NR2F1-AS1: variants seen among roughly 807,000 people sequenced by gnomAD.
The protein encoded by NR2F1-AS1 is NR2F1 regulatory antisense RNA 1, also known as NR2F1 antisense RNA 1.
intron 4 of NR2F1-AS1, among the ~76,000 whole-genome samples, chr5:93,535,122 C>A (rs1751813138): frequency 6.6e-6 from 1 of 150,894 alleles, no homozygotes. Context: ...TTTTACAAAG[C>A]TATCCTTAAA....
chr5:93,482,645 G>A (rs1750624945), intron 4 of NR2F1-AS1, among the ~76,000 whole-genome samples: 1 of 152,096 alleles, frequency 6.6e-6, no homozygotes, highest in Admixed American at 6.5e-5. Context: ...AGAAAGCCAA[G>A]TGGTCTAGCT....
chr5:93,462,006 T>C (rs1750105004), intron 4 of NR2F1-AS1, among the ~76,000 whole-genome samples: 1 of 152,208 alleles, frequency 6.6e-6, no homozygotes, highest in South Asian at 2.1e-4. Flanking sequence ...CAAAATCCAC[T>C]GGTTTGCATT....
At chr5:93,514,121 T>C (rs533091851) in intron 4 of NR2F1-AS1, among the ~76,000 whole-genome samples, 1 of 152,198 alleles carries the variant, frequency 6.6e-6, no homozygotes, top group Non-Finnish European at 1.5e-5. Context: ...CTATTATATA[T>C]TCAAAGTCAG....
intron 2 of NR2F1-AS1, among the ~76,000 whole-genome samples, chr5:93,560,681 T>C (rs60529913): frequency 0.022 from 3,281 of 152,298 alleles, 136 homozygotes; most frequent in African/African-American, 0.075. Flanking sequence ...AAAATATACA[T>C]CTCAAAAATC....
chr5:93,423,927 C>A (rs1749142724), intron 4 of NR2F1-AS1, among the ~76,000 whole-genome samples: 1 of 152,168 alleles, frequency 6.6e-6, no homozygotes, highest in African/African-American at 2.4e-5. Flanking sequence ...TTTACTAATT[C>A]CTCTTCCATG....
chr5:93,573,888 A>G (rs536284311), intron 1 of NR2F1-AS1, among the ~76,000 whole-genome samples: 4 of 152,170 alleles, frequency 2.6e-5, no homozygotes, highest in Non-Finnish European at 4.4e-5. Context: ...TTTAAGTGCT[A>G]TTAGATTTAT....
intron 3 of NR2F1-AS1, chr5:93,554,846 T>G (rs1028687216): frequency 1.3e-5 from 2 of 152,192 alleles, no homozygotes; most frequent in East Asian, 3.8e-4. Context: ...ACAGGAAGGA[T>G]GATGTGGAAA....
At chr5:93,451,759 T>A (rs1239752739) in intron 4 of NR2F1-AS1, among the ~76,000 whole-genome samples, 1 of 152,102 alleles carries the variant, frequency 6.6e-6, no homozygotes, top group Non-Finnish European at 1.5e-5. Flanking sequence ...GCACATTTCA[T>A]CTCTCCTTTT....
At chr5:93,529,655 T>G (rs1163057185) in intron 4 of NR2F1-AS1, among the ~76,000 whole-genome samples, 1 of 152,152 alleles carries the variant, frequency 6.6e-6, no homozygotes, top group Non-Finnish European at 1.5e-5. Context: ...CAGGTTTCCT[T>G]GTTCTCAATT....
chr5:93,421,824 G>T (rs1397528561), intron 4 of NR2F1-AS1, among the ~76,000 whole-genome samples: 1 of 152,052 alleles, frequency 6.6e-6, no homozygotes, highest in African/African-American at 2.4e-5. Flanking sequence ...TTTCACTTGG[G>T]GTAGAAATAT....
chr5:93,531,937 C>T (rs1751744068), intron 4 of NR2F1-AS1, among the ~76,000 whole-genome samples: 1 of 152,146 alleles, frequency 6.6e-6, no homozygotes, highest in South Asian at 2.1e-4. Flanking sequence ...AGAATAACAG[C>T]AGCAATAAAT....
chr5:93,567,972 T>C (rs889421331), intron 1 of NR2F1-AS1, among the ~76,000 whole-genome samples: 4 of 152,198 alleles, frequency 2.6e-5, no homozygotes, highest in African/African-American at 9.7e-5. Context: ...TTATACATGG[T>C]CCTTGTTTTC....
At chr5:93,465,733 A>G (rs2149866635) in intron 4 of NR2F1-AS1, among the ~76,000 whole-genome samples, 1 of 152,342 alleles carries the variant, frequency 6.6e-6, no homozygotes, top group African/African-American at 2.4e-5. Flanking sequence ...AACATGGAAT[A>G]CTATGCAGCC....
At chr5:93,444,494 C>T (rs1228219775) in intron 4 of NR2F1-AS1, among the ~76,000 whole-genome samples, 6 of 152,080 alleles carry the variant, frequency 3.9e-5, no homozygotes, top group African/African-American at 9.7e-5. Flanking sequence ...CGACAAGAAG[C>T]GCTAACTATC....
At chr5:93,576,388 TAC>T in intron 1 of NR2F1-AS1, among the ~76,000 whole-genome samples, 1 of 152,194 alleles carries the variant, frequency 6.6e-6, no homozygotes, top group Non-Finnish European at 1.5e-5. Context: ...CATAATTGTT[TAC>T]TGTTCTATTG....
intron 4 of NR2F1-AS1, among the ~76,000 whole-genome samples, chr5:93,473,881 C>T (rs1750425916): frequency 6.6e-6 from 1 of 151,758 alleles, no homozygotes; most frequent in Non-Finnish European, 1.5e-5. Context: ...AGCAACTCTC[C>T]AAGATCATTT....
intron 4 of NR2F1-AS1, among the ~76,000 whole-genome samples, chr5:93,465,420 G>A (rs2149866417): frequency 6.6e-6 from 1 of 152,338 alleles, no homozygotes; most frequent in African/African-American, 2.4e-5. Flanking sequence ...AAAAAGTCAG[G>A]AAACAACAGA....
intron 4 of NR2F1-AS1, among the ~76,000 whole-genome samples, chr5:93,544,594 A>C (rs1176570037): frequency 6.6e-6 from 1 of 152,172 alleles, no homozygotes; most frequent in Non-Finnish European, 1.5e-5. Flanking sequence ...ATAAAATTAG[A>C]GTAATTGTTA....
chr5:93,577,769 A>G (rs1370516495), intron 1 of NR2F1-AS1, among the ~76,000 whole-genome samples: 1 of 152,168 alleles, frequency 6.6e-6, no homozygotes, highest in Non-Finnish European at 1.5e-5. Context: ...GATCAGAGGC[A>G]CTGACCTTTT....
Sources: gnomAD v4.1 joint callset for allele counts (sites outside exome capture counted in the v4.1 genomes callset) on GRCh38, gnomAD v4.1.1 for gene constraint, MANE v1.5 for transcripts, NCBI Gene and HGNC (gene_info 2026-07-23, HGNC 2026-07-21) for gene names.